The following TSPAN12 variants were observed in gnomAD, a reference collection of about 807,000 sequenced individuals.
TSPAN12 encodes the protein tetraspanin 12.
TSPAN12 carries 19 observed loss-of-function variants against 39.2 expected under a neutral mutation model. The observed-to-expected ratio is 0.49, with a 90% CI of 0.34 to 0.71. The LOEUF (loss-of-function observed/expected upper bound fraction) is 0.71, where lower values mean the gene tolerates loss of function less well. Among genes scored for constraint, TSPAN12 ranks in the 30% least tolerant of loss-of-function variants. The pLI, the probability that TSPAN12 is intolerant of heterozygous loss-of-function variation, is 0.01. For missense variants in TSPAN12, 314 were observed against 359.9 expected (o/e 0.87, Z 1.03); for synonymous variants, 119 against 124.8 (o/e 0.95, Z 0.31).
chr7:120,790,756 G>A (rs1391592643), intron 7 of TSPAN12, among the ~76,000 whole-genome samples: 2 of 152,136 alleles, frequency 1.3e-5, no homozygotes, highest in African/African-American at 4.8e-5. Flanking sequence ...ACATAGTTCG[G>A]GAAGAGTCAC....
At chr7:120,810,327 A>C in intron 6 of TSPAN12, 136 bp downstream of exon 6, 1 of 675,330 alleles carries the variant, frequency 1.5e-6, no homozygotes, top group South Asian at 1.6e-5. Context: ...TCAAGAAATA[A>C]TTGCACCAGA....
At chr7:120,852,728 T>C (rs76172343) in intron 2 of TSPAN12, among the ~76,000 whole-genome samples, 2,120 of 152,290 alleles carry the variant, frequency 0.014, 27 homozygotes, top group African/African-American at 0.039. Flanking sequence ...AATAAATCCA[T>C]CACTGTTTCC....
At chr7:120,799,502 T>TTAATTAATTATATA (rs1267359989) in intron 7 of TSPAN12, among the ~76,000 whole-genome samples, 1 of 102,722 alleles carries the variant, frequency 9.7e-6, no homozygotes, top group East Asian at 3.0e-4. Flanking sequence ...TTATTTTTAA[T>TTAATTAATTATATA]TAATTAATTA....
At chr7:120,824,657 C>T (rs1794251404) in intron 4 of TSPAN12, among the ~76,000 whole-genome samples, 1 of 152,118 alleles carries the variant, frequency 6.6e-6, no homozygotes, top group Non-Finnish European at 1.5e-5. Flanking sequence ...TACTTCTTTA[C>T]TGTTAATAAT....
At position 120,838,840 on chromosome 7, in the gene TSPAN12, A is replaced by AAGGAAAC; in HGVS notation, c.215_221dup (p.Ile75PhefsTer44). ...AATATCCTAACATCCCCACAATGAT[A>AAGGAAAC]AGGAAACAGCAAACAGCAATCATGA... is the stretch of plus-strand genomic sequence containing the variant. On this transcript the variant is annotated frameshift_variant, in exon 4 of 8. Transcript: ENST00000222747. LOFTEE classifies it high-confidence loss of function. 1 of 1,614,074 alleles carries AAGGAAAC rather than the reference A, an allele frequency of 6.2e-7. No individual in the cohort carries two copies. Among genetic ancestry groups the AAGGAAAC allele is most frequent in the Non-Finnish European group, 8.5e-7 (1 of 1,179,942 alleles).
chr7:120,857,975 G>C lies in TSPAN12; in HGVS notation c.-226C>G, dbSNP rs1359451734. ...TTTCTCTTCCTCTCCCCCCGCCGCCGCCGTCGCCGCCTCCTGGGAAAAAGA... is the reference window on the plus strand; with the variant it reads ...TTTCTCTTCCTCTCCCCCCGCCGCCCCCGTCGCCGCCTCCTGGGAAAAAGA... On this transcript the variant is annotated 5_prime_UTR_variant, in exon 1 of 8. Transcript: ENST00000222747. The C allele has an allele frequency of 6.5e-6, 1 of 152,870 alleles. No individual in the cohort carries two copies. Among genetic ancestry groups the C allele is most frequent in the African/African-American group, 2.4e-5 (1 of 41,030 alleles). 9.5% of individuals were successfully genotyped at this position (152,870 alleles called of 1,614,324 possible). A position where few individuals can be genotyped will look rare whatever the true frequency, so the allele number is the denominator to read the frequency against.
intron 7 of TSPAN12, among the ~76,000 whole-genome samples, chr7:120,801,956 A>C (rs1171319102): frequency 6.6e-6 from 1 of 152,176 alleles, no homozygotes; most frequent in Non-Finnish European, 1.5e-5. Flanking sequence ...CTTGAAGTCC[A>C]TCCAAGAAGA....
At chr7:120,832,904 A>C (rs1794413488) in intron 4 of TSPAN12, among the ~76,000 whole-genome samples, 1 of 152,112 alleles carries the variant, frequency 6.6e-6, no homozygotes, top group African/African-American at 2.4e-5. Context: ...TGACTACCGA[A>C]TGCCTTGGAG....
Position 120,788,742 on chromosome 7 carries a change from C to T in TSPAN12, c.768G>A (p.Gly256=). 1 of 1,614,092 alleles carries T rather than the reference C, an allele frequency of 6.2e-7. No individual in the cohort carries two copies. Among genetic ancestry groups the T allele is most frequent in the Non-Finnish European group, 8.5e-7 (1 of 1,180,012 alleles). The change falls in exon 8 of 8, where the codon GGG becomes GGA. Residue 256 remains glycine (G), a synonymous_variant. Transcript: ENST00000222747. ...TCTTCAAGGACATCATTTGGTCTGT[C>T]CCCGGCTCCCTTCTATCATAATACA... The part of the protein sequence containing the change: ...WALYYDRREP[G]TDQMMSLKND...
intron 7 of TSPAN12, 132 bp from the exon 8 acceptor site, chr7:120,789,029 T>A: frequency 2.1e-6 from 2 of 934,860 alleles, no homozygotes; most frequent in South Asian, 3.0e-5. Context: ...AAGACAGTGG[T>A]TCTCAGGGAA....
intron 6 of TSPAN12, 45 bp downstream of exon 6, chr7:120,810,418 C>A (rs201849300): frequency 4.0e-5 from 48 of 1,196,938 alleles, no homozygotes; most frequent in East Asian, 3.3e-4. Flanking sequence ...TTTGAAGGTG[C>A]ACCACTTACT....
chr7:120,805,080 G>C (rs13231854), intron 7 of TSPAN12, among the ~76,000 whole-genome samples: 82,950 of 151,874 alleles, frequency 0.55, 27,176 homozygotes, highest in South Asian at 0.77. Context: ...TGTTATGGCA[G>C]CTCTAGGAAA....
At chr7:120,843,771 T>A (rs1406856288) in intron 2 of TSPAN12, among the ~76,000 whole-genome samples, 2 of 152,186 alleles carry the variant, frequency 1.3e-5, no homozygotes, top group African/African-American at 4.8e-5. Context: ...CAGCAGAACA[T>A]ATTAAAACAC....
chr7:120,830,463 A>G (rs1210122331), intron 4 of TSPAN12, among the ~76,000 whole-genome samples: 2 of 152,120 alleles, frequency 1.3e-5, no homozygotes, highest in African/African-American at 4.8e-5. Context: ...CAACCAATGG[A>G]AAAGGACAAA....
intron 7 of TSPAN12, among the ~76,000 whole-genome samples, chr7:120,789,962 G>A (rs991249915): frequency 4.2e-4 from 64 of 152,078 alleles, no homozygotes; most frequent in Admixed American, 1.0e-3. Context: ...AGATTAGGGT[G>A]GGGGGTGGCC....
Position 120,815,756 on chromosome 7 carries a change from G to A in TSPAN12, c.333C>T (p.Gly111=). ...LVIFCVELAC[G]VWTYEQELMV... is the part of the protein sequence containing the mutation. ...TAAGTTCCTGTTCATATGTCCAAAC[G>A]CCACAAGCCAGTTCTACACAGAAAA... Residue 111 remains glycine (G), a synonymous_variant, in exon 5 of 8, where the codon GGC becomes GGT. Transcript: ENST00000222747. 1.9e-6 allele frequency: 3 copies of A among 1,612,634 alleles called. No homozygotes were observed. Among genetic ancestry groups the A allele is most frequent in the South Asian group, 2.2e-5 (2 of 90,976 alleles).
chr7:120,841,848 T>C (rs1794585226), intron 2 of TSPAN12, among the ~76,000 whole-genome samples: 1 of 152,176 alleles, frequency 6.6e-6, no homozygotes, highest in Non-Finnish European at 1.5e-5. Context: ...TGGGGATTAA[T>C]TACACTGTGT....
intron 4 of TSPAN12, among the ~76,000 whole-genome samples, chr7:120,826,569 A>G (rs371604373): frequency 3.9e-5 from 6 of 152,312 alleles, no homozygotes; most frequent in African/African-American, 1.4e-4. Flanking sequence ...GCAAACAGGA[A>G]GGAGCCTTAG....
chr7:120,857,103 A>G, intron 1 of TSPAN12: 1 of 406,964 alleles, frequency 2.5e-6, no homozygotes, highest in South Asian at 2.1e-5. Context: ...TCGCGTTCTC[A>G]GGGGACACGC....
Sources: gnomAD v4.1 joint callset for allele counts (sites outside exome capture counted in the v4.1 genomes callset) on GRCh38, gnomAD v4.1.1 for gene constraint, MANE v1.5 for transcripts, NCBI Gene and HGNC (gene_info 2026-07-23, HGNC 2026-07-21) for gene names.